Variants in MAP2K5 observed in about 807,000 individuals in gnomAD.
The protein encoded by MAP2K5 is dual specificity mitogen-activated protein kinase kinase 5.
Under a neutral mutation model 83.1 loss-of-function variants are expected in MAP2K5, and 49 were observed. The ratio of observed to expected loss-of-function variants is 0.59; its 90% CI spans 0.47 to 0.75. MAP2K5 has a LOEUF of 0.75. Among genes scored for constraint, MAP2K5 ranks in the 30% least tolerant of loss-of-function variants. The pLI is 0.00. For missense variants in MAP2K5, 457 were observed against 557.5 expected (o/e 0.82, Z 1.82); for synonymous variants, 202 against 191.8 (o/e 1.05, Z -0.44).
rs574749192 is a variant in MAP2K5, at chr15:67,601,166, A to G, written c.545+417A>G. Reference sequence around the variant, plus strand: ...CATTGCTTTGCCCTGTGTCAACACTATAAGTTATTAAAAAGCCTTCTTCCT... The same window carrying G: ...CATTGCTTTGCCCTGTGTCAACACTGTAAGTTATTAAAAAGCCTTCTTCCT... On this transcript the variant is annotated intron_variant, in intron 8 of 21. Coordinates refer to ENST00000178640, the MANE Select transcript of MAP2K5 (RefSeq NM_145160.3). Among the ~76,000 whole-genome samples the G allele has an allele frequency of 6.6e-5, 10 of 152,242 alleles. No individual in the cohort carries two copies. The East Asian group carries it at 1.4e-3, about 21-fold the overall frequency.
chr15:67,727,198 T>G (rs902294729), intron 16 of MAP2K5, among the ~76,000 whole-genome samples: 2 of 152,266 alleles, frequency 1.3e-5, no homozygotes, highest in African/African-American at 4.8e-5. Context: ...AGACTCTGGC[T>G]CAAAAAACAG....
In MAP2K5 at chr15:67,786,945, G is replaced by A. The variant is rs573673082; in HGVS notation, c.1242+14193G>A. 1.1e-4 allele frequency among the ~76,000 whole-genome samples: 16 copies of A among 152,272 alleles called. 2 individuals are homozygous for A. The South Asian group carries it at 2.9e-3, about 28-fold the overall frequency. On this transcript the variant is annotated intron_variant, in intron 21 of 21. Coordinates refer to ENST00000178640, the MANE Select transcript of MAP2K5 (RefSeq NM_145160.3). The surrounding 1 kb of genome is among the most constrained non-coding windows in gnomAD (Gnocchi z 4.7). The stretch of plus-strand genomic sequence containing the variant: ...AGAGAAAATGGCACAGGCTGAGACC[G>A]GAGGGAACAAGGACAGTGAAGAACC...
intron 21 of MAP2K5, among the ~76,000 whole-genome samples, chr15:67,776,576 A>G (rs1596956017): frequency 6.6e-6 from 1 of 152,238 alleles, no homozygotes; most frequent in African/African-American, 2.4e-5. Context: ...GAAGGATGCA[A>G]AAACATAAAA....
intron 12 of MAP2K5, chr15:67,658,848 C>T (rs1450360942): frequency 1.7e-6 from 1 of 572,782 alleles, no homozygotes; most frequent in Non-Finnish European, 3.3e-6. Context: ...TTTGCAGGGA[C>T]CTTGGTATTC....
At chr15:67,578,552 T>C (rs145439440) in intron 3 of MAP2K5, among the ~76,000 whole-genome samples, 1 of 152,094 alleles carries the variant, frequency 6.6e-6, no homozygotes, top group Non-Finnish European at 1.5e-5. Flanking sequence ...TTAGAGGAAA[T>C]ATAAAAAACA....
At chr15:67,734,634 T>C (rs1462906357) in intron 17 of MAP2K5, among the ~76,000 whole-genome samples, 5 of 152,216 alleles carry the variant, frequency 3.3e-5, no homozygotes, top group Non-Finnish European at 7.3e-5. Flanking sequence ...ATATTCTATG[T>C]TAAATTTAGA....
intron 3 of MAP2K5, among the ~76,000 whole-genome samples, chr15:67,576,796 T>A (rs577586852): frequency 8.1e-5 from 12 of 147,922 alleles, no homozygotes; most frequent in African/African-American, 2.7e-4. Flanking sequence ...AAAGTTTGCT[T>A]AATATTGTTT....
intron 3 of MAP2K5, among the ~76,000 whole-genome samples, chr15:67,569,345 A>G (rs2084906456): frequency 6.6e-6 from 1 of 152,246 alleles, no homozygotes; most frequent in Non-Finnish European, 1.5e-5. Flanking sequence ...CTGATTACAC[A>G]GTATATTCTT....
intron 8 of MAP2K5, chr15:67,628,282 C>A (rs1287769983): frequency 5.7e-6 from 3 of 528,448 alleles, no homozygotes; most frequent in Admixed American, 3.0e-5. Context: ...GGATTTGAGA[C>A]CAGCCTGGCC....
chr15:67,668,842 T>G lies in MAP2K5; in HGVS notation c.847+4197T>G, dbSNP rs2141161830. Reference sequence around the variant, plus strand: ...AGAAGAAAAAAAAAACCTATATAGTTGGTGTGCCAGGAGTTTTTTTGTATA... The same window carrying G: ...AGAAGAAAAAAAAAACCTATATAGTGGGTGTGCCAGGAGTTTTTTTGTATA... On this transcript the variant is annotated intron_variant, in intron 13 of 21. Transcript: ENST00000178640. The surrounding 1 kb of genome is among the most constrained non-coding windows in gnomAD (Gnocchi z 4.0). Among the ~76,000 whole-genome samples the G allele has an allele frequency of 6.6e-6, 1 of 152,244 alleles. No homozygotes were observed. Among genetic ancestry groups the G allele is most frequent in the South Asian group, 2.1e-4 (1 of 4,816 alleles).
chr15:67,716,853 C>T (rs1410708973), intron 16 of MAP2K5, among the ~76,000 whole-genome samples: 2 of 152,122 alleles, frequency 1.3e-5, no homozygotes, highest in Non-Finnish European at 2.9e-5. Context: ...ATTTGGTATT[C>T]ATTATCTCTT....
rs1253346074 is a variant in MAP2K5 at position 67,638,835 on chromosome 15, G to A, written c.586-7396G>A. On this transcript the variant is annotated intron_variant, in intron 9 of 21. Coordinates refer to ENST00000178640, the MANE Select transcript of MAP2K5 (RefSeq NM_145160.3). This position sits in a 1 kb window ranked among gnomAD's most constrained non-coding sequence, Gnocchi z 4.5. ...TCTCAAATGATCAGTGATGTTGAGCGTTTTTCCATAGGATTGTTGGCCTCG... is the reference window on the plus strand; with the variant it reads ...TCTCAAATGATCAGTGATGTTGAGCATTTTTCCATAGGATTGTTGGCCTCG... Among the ~76,000 whole-genome samples, 1 of 152,098 alleles carries A rather than the reference G, an allele frequency of 6.6e-6. No individual in the cohort carries two copies. Among genetic ancestry groups the A allele is most frequent in the Non-Finnish European group, 1.5e-5 (1 of 67,992 alleles).
At position 67,768,544 on chromosome 15, in the gene MAP2K5, G is replaced by A. The variant is rs781720399; in HGVS notation, c.1135-1058G>A. ...AATGGCCAAAGCACTCCAAAGCACA[G>A]TGAGATTAAAATAAGTCATTCCTTT... is the stretch of plus-strand genomic sequence containing the variant. On this transcript the variant is annotated intron_variant, in intron 19 of 21. Transcript: ENST00000178640. The surrounding 1 kb of genome is among the most constrained non-coding windows in gnomAD (Gnocchi z 4.0). Among the ~76,000 whole-genome samples the A allele has an allele frequency of 6.6e-6, 1 of 152,198 alleles. No homozygotes were observed. Among genetic ancestry groups the A allele is most frequent in the Non-Finnish European group, 1.5e-5 (1 of 68,030 alleles).
chr15:67,553,987 T>C (rs920972765), intron 2 of MAP2K5, among the ~76,000 whole-genome samples: 4 of 151,878 alleles, frequency 2.6e-5, no homozygotes, highest in Non-Finnish European at 5.9e-5. Flanking sequence ...TTGGAAATAT[T>C]TCAGTGGCTT....
At chr15:67,641,187 T>C (rs1379251654) in intron 9 of MAP2K5, among the ~76,000 whole-genome samples, 1 of 152,250 alleles carries the variant, frequency 6.6e-6, no homozygotes, top group Non-Finnish European at 1.5e-5. Context: ...AAAATCCATC[T>C]AACAGGAAAT....
chr15:67,782,696 T>C lies in MAP2K5; in HGVS notation c.1242+9944T>C, dbSNP rs1265734627. ...CAGTTTCTAATTTTTAAATTAAACA[T>C]GACTTTTTTTTTAAGCCACAGCTTT... On this transcript the variant is annotated intron_variant, in intron 21 of 21. Coordinates refer to ENST00000178640, the MANE Select transcript of MAP2K5 (RefSeq NM_145160.3). The surrounding 1 kb of genome is among the most constrained non-coding windows in gnomAD (Gnocchi z 4.9). Among the ~76,000 whole-genome samples, 2 of 152,154 alleles carry C rather than the reference T, an allele frequency of 1.3e-5. No homozygotes were observed. Among genetic ancestry groups the C allele is most frequent in the Non-Finnish European group, 2.9e-5 (2 of 68,016 alleles).
chr15:67,641,629 T>G, intron 9 of MAP2K5: 1 of 991,474 alleles, frequency 1.0e-6, no homozygotes, highest in Non-Finnish European at 1.2e-6. Flanking sequence ...GTCCTGGAGG[T>G]GTAGTGGAGA....
intron 9 of MAP2K5, among the ~76,000 whole-genome samples, chr15:67,641,238 T>G (rs997181220): frequency 6.6e-6 from 1 of 152,250 alleles, no homozygotes; most frequent in African/African-American, 2.4e-5. Flanking sequence ...TATCATTCTT[T>G]GACTGCTTTG....
intron 17 of MAP2K5, among the ~76,000 whole-genome samples, chr15:67,744,455 T>G (rs1269411281): frequency 6.6e-6 from 1 of 152,254 alleles, no homozygotes; most frequent in African/African-American, 2.4e-5. Flanking sequence ...TCAACTGATA[T>G]TGGAAGATCT....
Sources: gnomAD v4.1 joint callset for allele counts (sites outside exome capture counted in the v4.1 genomes callset) on GRCh38, gnomAD v4.1.1 for gene constraint, Gnocchi (gnomAD v3.1) non-coding constraint, MANE v1.5 for transcripts, NCBI Gene and HGNC (gene_info 2026-07-23, HGNC 2026-07-21) for gene names.